ALK: variants seen among roughly 807,000 people sequenced by gnomAD.
The protein encoded by ALK is ALK receptor tyrosine kinase.
Under a neutral mutation model 163.1 loss-of-function variants are expected in ALK, and 74 were observed. The ratio of observed to expected loss-of-function variants is 0.45; its 90% CI spans 0.38 to 0.55. The LOEUF (loss-of-function observed/expected upper bound fraction) is 0.55. Ranked by LOEUF, ALK falls within the 20% of genes least tolerant of loss-of-function variation. The pLI is 0.00. For synonymous variants in ALK, 960 were observed against 843.2 expected (o/e 1.14, Z -2.40); for missense variants, 2,063 against 2,105.3 (o/e 0.98, Z 0.39).
intron 1 of ALK, among the ~76,000 whole-genome samples, chr2:29,906,680 T>C (rs1415892838): frequency 1.3e-5 from 2 of 152,212 alleles, no homozygotes; most frequent in African/African-American, 2.4e-5. Flanking sequence ...TCGTGTTATC[T>C]GACCTCTCTG....
intron 1 of ALK, among the ~76,000 whole-genome samples, chr2:29,834,466 T>C (rs1035058660): frequency 2.0e-5 from 3 of 152,126 alleles, no homozygotes; most frequent in Non-Finnish European, 4.4e-5. Flanking sequence ...TCTAAACAAT[T>C]AGGACAATGT....
At chr2:29,677,182 G>T (rs1486171965) in intron 3 of ALK, among the ~76,000 whole-genome samples, 2 of 144,238 alleles carry the variant, frequency 1.4e-5, no homozygotes, top group Middle Eastern at 3.8e-3. Context: ...CATGTTTTTG[G>T]TTCTCTCCCT....
chr2:29,860,179 A>G (rs959490053), intron 1 of ALK, among the ~76,000 whole-genome samples: 4 of 152,218 alleles, frequency 2.6e-5, no homozygotes, highest in African/African-American at 9.6e-5. Context: ...TCCCAGGGGA[A>G]GAAATTCTTA....
intron 3 of ALK, among the ~76,000 whole-genome samples, chr2:29,535,637 G>A (rs4233740): frequency 0.14 from 20,856 of 152,142 alleles, 1,726 homozygotes; most frequent in East Asian, 0.33. Flanking sequence ...AGGTGTCTTA[G>A]TCTGGAATTC....
intron 13 of ALK, among the ~76,000 whole-genome samples, chr2:29,236,267 G>A (rs1217000876): frequency 6.6e-6 from 1 of 152,072 alleles, no homozygotes; most frequent in Non-Finnish European, 1.5e-5. Context: ...CAGTGGTGCT[G>A]AGAAGGTCCA....
At position 29,326,364 on chromosome 2, in the gene ALK, A is replaced by G. The variant is rs533239866; in HGVS notation, c.1414+1986T>C. 5.9e-5 allele frequency among the ~76,000 whole-genome samples: 9 copies of G among 152,224 alleles called. No individual in the cohort carries two copies. The South Asian group carries it at 1.9e-3, about 32-fold the overall frequency. ...AGTCAATTGCCTTATCTGTGCCTTC[A>G]TTTTCCCAATTGTCAATCAGGGCAT... On this transcript the variant is annotated intron_variant, in intron 6 of 28. Coordinates refer to ENST00000389048, the MANE Select transcript of ALK (RefSeq NM_004304.5).
At chr2:29,807,292 G>T (rs953721765) in intron 1 of ALK, among the ~76,000 whole-genome samples, 1 of 152,206 alleles carries the variant, frequency 6.6e-6, no homozygotes, top group African/African-American at 2.4e-5. Context: ...ATCTAAGGAA[G>T]CCAAGGGAGG....
At position 29,193,192 on chromosome 2, in the gene ALK, C is replaced by G. The variant is rs1159757884; in HGVS notation, c.*32G>C. On this transcript the variant is annotated 3_prime_UTR_variant, in exon 29 of 29. Coordinates refer to ENST00000389048, the MANE Select transcript of ALK (RefSeq NM_004304.5). Reference sequence around the variant, plus strand: ...CTCTCTCCTCCACGGTCTTAGGGATCCCAAGGAAGAGAAGTGAGTGTGCGA... The same window carrying G: ...CTCTCTCCTCCACGGTCTTAGGGATGCCAAGGAAGAGAAGTGAGTGTGCGA... 3 of 1,605,002 alleles carry G rather than the reference C, an allele frequency of 1.9e-6. No homozygotes were observed. Among genetic ancestry groups the G allele is most frequent in the Middle Eastern group, 3.8e-4 (2 of 5,324 alleles).
Position 29,785,912 on chromosome 2 carries a change from T to TAC in ALK, c.668-68217_668-68216dup, listed in dbSNP as rs10524599. On this transcript the variant is annotated intron_variant, in intron 1 of 28. Transcript: ENST00000389048. ...ACATAGGGGGAAATGTTTTTGAGTA[T>TAC]ACACACACACACACACACACACACA... Among the ~76,000 whole-genome samples the TAC allele has an allele frequency of 6.1e-3, 895 of 146,694 alleles. 4 individuals are homozygous for TAC. The highest frequency in any genetic ancestry group is 0.014 in the South Asian group (65 of 4,560).
At chr2:29,432,191 A>G (rs1053564033) in intron 4 of ALK, among the ~76,000 whole-genome samples, 5 of 152,036 alleles carry the variant, frequency 3.3e-5, no homozygotes, top group African/African-American at 1.2e-4. Flanking sequence ...GTGGCCTCCA[A>G]TGTTGGAGGT....
chr2:29,411,504 G>T (rs527531290), intron 4 of ALK, among the ~76,000 whole-genome samples: 1 of 151,946 alleles, frequency 6.6e-6, no homozygotes, highest in Non-Finnish European at 1.5e-5. Context: ...AGAGATGGGG[G>T]TCTTGCTATG....
chr2:29,290,357 G>T (rs935401689), intron 9 of ALK, among the ~76,000 whole-genome samples: 1 of 152,232 alleles, frequency 6.6e-6, no homozygotes, highest in Non-Finnish European at 1.5e-5. Flanking sequence ...TGGGCAGAGT[G>T]AGGAGGCGCA....
intron 1 of ALK, among the ~76,000 whole-genome samples, chr2:29,896,989 A>T (rs902735281): frequency 2.6e-5 from 4 of 151,652 alleles, no homozygotes; most frequent in African/African-American, 9.7e-5. Flanking sequence ...ATATAGATAG[A>T]CATAGATGTA....
At chr2:29,428,493 T>C (rs1021309955) in intron 4 of ALK, among the ~76,000 whole-genome samples, 2 of 151,900 alleles carry the variant, frequency 1.3e-5, no homozygotes, top group African/African-American at 4.8e-5. Context: ...AAAAAAGCTA[T>C]GTGCCAATAA....
At position 29,246,263 on chromosome 2, in the gene ALK, G is replaced by A. The variant is rs1210969831; in HGVS notation, c.2204+4842C>T. Among the ~76,000 whole-genome samples, 1 of 151,924 alleles carries A rather than the reference G, an allele frequency of 6.6e-6. No individual in the cohort carries two copies. Among genetic ancestry groups the A allele is most frequent in the African/African-American group, 2.4e-5 (1 of 41,320 alleles). On this transcript the variant is annotated intron_variant, in intron 12 of 28. Coordinates refer to ENST00000389048, the MANE Select transcript of ALK (RefSeq NM_004304.5). The surrounding 1 kb of genome is among the most constrained non-coding windows in gnomAD (Gnocchi z 4.3). ...GGAAAGAAGTCAGGGAGAGAGAGGG[G>A]GCGGGCTGGGCTGAGTGCTGGCGCC... is the stretch of plus-strand genomic sequence containing the variant.
At chr2:29,318,640 C>T (rs1054379452) in intron 7 of ALK, among the ~76,000 whole-genome samples, 11 of 151,458 alleles carry the variant, frequency 7.3e-5, no homozygotes, top group African/African-American at 2.7e-4. Context: ...GATCTTGGCT[C>T]ACTGCAAGCT....
At chr2:29,230,962 T>A (rs1010884686) in intron 15 of ALK, among the ~76,000 whole-genome samples, 1 of 152,034 alleles carries the variant, frequency 6.6e-6, no homozygotes, top group Non-Finnish European at 1.5e-5. Context: ...CTGACCCCCA[T>A]ACCCGTTCTG....
intron 4 of ALK, among the ~76,000 whole-genome samples, chr2:29,497,104 C>T (rs758199830): frequency 6.6e-6 from 1 of 152,102 alleles, no homozygotes. Context: ...AACCCCGTCT[C>T]TACTAAAAAA....
chr2:29,786,006 T>C (rs962079798), intron 1 of ALK, among the ~76,000 whole-genome samples: 7 of 152,146 alleles, frequency 4.6e-5, no homozygotes, highest in African/African-American at 1.7e-4. Context: ...TTATTCACTG[T>C]TCCTGGATAA....
Sources: gnomAD v4.1 joint callset for allele counts (sites outside exome capture counted in the v4.1 genomes callset) on GRCh38, gnomAD v4.1.1 for gene constraint, Gnocchi (gnomAD v3.1) non-coding constraint, MANE v1.5 for transcripts, NCBI Gene and HGNC (gene_info 2026-07-23, HGNC 2026-07-21) for gene names.